NEK4: variants seen among roughly 807,000 people sequenced by gnomAD.
NEK4 encodes the protein NIMA related kinase 4.
In NEK4, 86 loss-of-function variants were observed where a neutral mutation model predicts 98.4. That is an observed-to-expected ratio of 0.87 (90% CI 0.73 to 1.05). NEK4 has a LOEUF of 1.05. Among genes scored for constraint, NEK4 ranks in the 50% least tolerant of loss-of-function variants. The pLI is 0.00. For synonymous variants in NEK4, 328 were observed against 342.2 expected, an observed-to-expected ratio of 0.96 and a Z score of 0.46; for missense variants, 898 against 950.3, an observed-to-expected ratio of 0.94 and a Z score of 0.72.
intron 10 of NEK4, 138 bp downstream of exon 10, chr3:52,745,923 A>G (rs1164864558): frequency 5.3e-6 from 4 of 761,506 alleles, no homozygotes; most frequent in Non-Finnish European, 8.7e-6. Flanking sequence ...AGGTCTCACT[A>G]TATTGCCCAG....
chr3:52,752,233 GTA>G lies in NEK4; in HGVS notation c.1065_1066del (p.Thr356HisfsTer8). 6.2e-7 allele frequency: 1 copy of G among 1,614,170 alleles called. No individual in the cohort carries two copies. Among genetic ancestry groups the G allele is most frequent in the Non-Finnish European group, 8.5e-7 (1 of 1,180,032 alleles). ...GCTACTGATTGTGGCTAGTTCTGTGGTATTGCTCAAGTCCTGTTTGCAGGTAT... is the reference window on the plus strand; with the variant it reads ...GCTACTGATTGTGGCTAGTTCTGTGGTTGCTCAAGTCCTGTTTGCAGGTAT... On this transcript the variant is annotated frameshift_variant, in exon 7 of 16. Coordinates refer to ENST00000233027, the MANE Select transcript of NEK4 (RefSeq NM_003157.6). LOFTEE classifies it high-confidence loss of function.
chr3:52,764,398 G>A (rs1271784729), intron 4 of NEK4, among the ~76,000 whole-genome samples: 5 of 152,080 alleles, frequency 3.3e-5, no homozygotes, highest in Admixed American at 6.5e-5. Flanking sequence ...TTGGGAGGCC[G>A]AGGCGGGTGG....
chr3:52,761,767 C>T (rs1203332857), intron 5 of NEK4, among the ~76,000 whole-genome samples: 1 of 152,198 alleles, frequency 6.6e-6, no homozygotes. Context: ...GATTGCCTCA[C>T]ATACGGGAGT....
At chr3:52,715,790 G>A (rs962123767) in intron 15 of NEK4, among the ~76,000 whole-genome samples, 10 of 152,238 alleles carry the variant, frequency 6.6e-5, no homozygotes, top group African/African-American at 2.4e-4. Flanking sequence ...CCCATGAATG[G>A]TGAGGCTAAA....
chr3:52,720,258 T>C (rs2097358863), intron 15 of NEK4, among the ~76,000 whole-genome samples: 1 of 151,574 alleles, frequency 6.6e-6, no homozygotes. Context: ...ACCCAGGAGA[T>C]GGAGGTTGTA....
intron 1 of NEK4, among the ~76,000 whole-genome samples, chr3:52,769,025 G>A (rs1448338401): frequency 2.6e-5 from 4 of 152,088 alleles, no homozygotes; most frequent in African/African-American, 9.7e-5. Flanking sequence ...TTCAAGACCA[G>A]CCTGGTCAAC....
intron 6 of NEK4, among the ~76,000 whole-genome samples, chr3:52,756,645 A>G (rs2097415604): frequency 6.6e-6 from 1 of 152,190 alleles, no homozygotes; most frequent in African/African-American, 2.4e-5. Flanking sequence ...TAAAACTATA[A>G]AACTCTCAGA....
chr3:52,746,012 C>G, intron 10 of NEK4, 49 bp downstream of exon 10: 1 of 1,562,556 alleles, frequency 6.4e-7, no homozygotes, highest in Non-Finnish European at 8.8e-7. Context: ...CATGATACAC[C>G]ACGTCTGGTT....
At chr3:52,761,044 C>A in intron 5 of NEK4, 108 bp from the exon 6 acceptor site, 1 of 683,378 alleles carries the variant, frequency 1.5e-6, no homozygotes, top group Non-Finnish European at 2.4e-6. Context: ...CAGAACTGCA[C>A]CATTTATAGA....
rs1350874119 is a variant in NEK4, at chr3:52,768,401, T to C, written c.297A>G (p.Lys99=). Residue 99 remains lysine, a synonymous_variant, in exon 2 of 16, where the codon AAA becomes AAG. Transcript: ENST00000233027. ...GDLYRKLKEQ[K]GQLLPENQVV... is the part of the protein sequence containing the mutation. Reference sequence around the variant, plus strand: ...CCTGATTCTCAGGCAGAAGCTGCCCTTTCTGCTCCTTGAGCTTTCGGTACA... The same window carrying C: ...CCTGATTCTCAGGCAGAAGCTGCCCCTTCTGCTCCTTGAGCTTTCGGTACA... The C allele has an allele frequency of 3.7e-6, 6 of 1,613,990 alleles. No homozygotes were observed. Among genetic ancestry groups the C allele is most frequent in the African/African-American group, 2.7e-5 (2 of 74,924 alleles).
rs1433722232 is a variant in NEK4 at position 52,743,356 on chromosome 3, G to T, written c.2000C>A (p.Thr667Asn). 6.2e-7 allele frequency: 1 copy of T among 1,612,338 alleles called. No individual in the cohort carries two copies. The highest frequency in any genetic ancestry group is 8.5e-7 in the Non-Finnish European group (1 of 1,178,408). ...ARRLSSDCSV[T>N]QERKQIHCLS... ...TCTTAGGAGTACGTAATGCACCTGA[G>T]TGACGCTGCAGTCAGAGGAGAGCCG... The change falls in exon 12 of 16, where the codon ACT becomes AAT. Residue 667 changes from threonine to asparagine, a missense_variant. Coordinates refer to ENST00000233027, the MANE Select transcript of NEK4 (RefSeq NM_003157.6).
intron 14 of NEK4, 25 bp downstream of exon 14, chr3:52,739,404 C>G: frequency 6.2e-7 from 1 of 1,606,898 alleles, no homozygotes; most frequent in Non-Finnish European, 8.5e-7. Context: ...GTCTAAAAAA[C>G]AAAAAATAAT....
chr3:52,757,740 G>T (rs536996361), intron 6 of NEK4, among the ~76,000 whole-genome samples: 1 of 152,280 alleles, frequency 6.6e-6, no homozygotes, highest in African/African-American at 2.4e-5. Context: ...GCATTAAAAA[G>T]GAAGGTAATT....
At chr3:52,766,679 G>A (rs1698570452) in intron 2 of NEK4, among the ~76,000 whole-genome samples, 1 of 152,216 alleles carries the variant, frequency 6.6e-6, no homozygotes, top group African/African-American at 2.4e-5. Context: ...GGCATTACAT[G>A]AATCCAGTTT....
At chr3:52,715,579 C>G (rs534852004) in intron 15 of NEK4, among the ~76,000 whole-genome samples, 1 of 152,250 alleles carries the variant, frequency 6.6e-6, no homozygotes, top group South Asian at 2.1e-4. Flanking sequence ...TTAGTAGAGA[C>G]AGGGTTTCAC....
At position 52,711,531 on chromosome 3, in the gene NEK4, TCAAA is replaced by T. The variant is rs1485175433; in HGVS notation, c.*242_*245del. 8.8e-5 allele frequency: 30 copies of T among 339,874 alleles called. No homozygotes were observed. Among genetic ancestry groups the T allele is most frequent in the African/African-American group, 4.2e-4 (20 of 47,084 alleles). 21.1% of individuals were successfully genotyped at this position (339,874 alleles called of 1,614,324 possible). A position where few individuals can be genotyped will look rare whatever the true frequency, so the allele number is the denominator to read the frequency against. ...TGGATTAAGGCTCAGTAAACAGTAA[TCAAA>T]CAAACAACAGATTTGTCCTCACAAA... On this transcript the variant is annotated 3_prime_UTR_variant, in exon 16 of 16. Coordinates refer to ENST00000233027, the MANE Select transcript of NEK4 (RefSeq NM_003157.6).
At chr3:52,725,824 A>G (rs1365294454) in intron 15 of NEK4, among the ~76,000 whole-genome samples, 1 of 152,156 alleles carries the variant, frequency 6.6e-6, no homozygotes, top group Non-Finnish European at 1.5e-5. Context: ...AAAAAACTAT[A>G]ATGCATACAG....
rs2097397597 is a variant in NEK4, at chr3:52,747,176, G to C, written c.1507-272C>G. ...TCCTCTTAGAAAACAAAAGAAGCGG[G>C]CCAGGCATGGTGGCTTGTGCCTGTA... On this transcript the variant is annotated intron_variant, in intron 8 of 15. Coordinates refer to ENST00000233027, the MANE Select transcript of NEK4 (RefSeq NM_003157.6). 2.0e-5 allele frequency among the ~76,000 whole-genome samples: 3 copies of C among 152,126 alleles called. No homozygotes were observed. The South Asian group carries it at 6.2e-4, about 31-fold the overall frequency.
chr3:52,768,758 G>A (rs930837240), intron 1 of NEK4, among the ~76,000 whole-genome samples, 154 bp from the exon 2 acceptor site: 7 of 152,058 alleles, frequency 4.6e-5, no homozygotes, highest in African/African-American at 9.7e-5. Flanking sequence ...GCACAAAATC[G>A]GGGAAAATAT....
Sources: gnomAD v4.1 joint callset for allele counts (sites outside exome capture counted in the v4.1 genomes callset) on GRCh38, gnomAD v4.1.1 for gene constraint, MANE v1.5 for transcripts, NCBI Gene and HGNC (gene_info 2026-07-23, HGNC 2026-07-21) for gene names.